VWF: variants seen among roughly 807,000 people sequenced by gnomAD.
The protein encoded by VWF is von Willebrand factor, also known as Factor VIII related antigen.
A neutral mutation model predicts 308.6 loss-of-function variants in VWF; 176 were observed. The ratio of observed to expected loss-of-function variants is 0.57; its 90% CI spans 0.50 to 0.65. The LOEUF (loss-of-function observed/expected upper bound fraction) is 0.65, where lower values mean the gene tolerates loss of function less well. Among genes scored for constraint, VWF ranks in the 30% least tolerant of loss-of-function variants. VWF has a pLI of 0.00. For missense variants in VWF, 3,146 were observed against 3,648.2 expected, an observed-to-expected ratio of 0.86 and a Z score of 3.55; for synonymous variants, 1,385 against 1,443.4, an observed-to-expected ratio of 0.96 and a Z score of 0.92.
chr12:6,024,091 C>T lies in VWF; in HGVS notation c.3223-304G>A, dbSNP rs1944165140. 6.6e-6 allele frequency among the ~76,000 whole-genome samples: 1 copy of T among 152,248 alleles called. No individual in the cohort carries two copies. Among genetic ancestry groups the T allele is most frequent in the Non-Finnish European group, 1.5e-5 (1 of 68,050 alleles). ...CCCTCTGCCTACCTCCCTGCTCAGC[C>T]ACCCATCTGTCCTCACAACCCACTC... On this transcript the variant is annotated intron_variant, in intron 24 of 51. Coordinates refer to ENST00000261405, the MANE Select transcript of VWF (RefSeq NM_000552.5). This position sits in a 1 kb window ranked among gnomAD's most constrained non-coding sequence, Gnocchi z 4.0.
intron 8 of VWF, among the ~76,000 whole-genome samples, chr12:6,073,275 G>C (rs1944800426): frequency 6.6e-6 from 1 of 152,134 alleles, no homozygotes; most frequent in Admixed American, 6.5e-5. Context: ...GACAAACCCA[G>C]GAGATCTTTT....
In VWF at chr12:6,110,383, T is replaced by A. The variant is rs1555076348; in HGVS notation, c.523A>T (p.Thr175Ser). 1 of 1,614,052 alleles carries A rather than the reference T, an allele frequency of 6.2e-7. No individual in the cohort carries two copies. The highest frequency in any genetic ancestry group is 2.2e-5 in the East Asian group (1 of 44,876). Reference sequence around the variant, plus strand: ...TCCCAGAACATCTTACCTTCTTGGGTCATAAAGTCATCTTCAGCAAAGATG... The same window carrying A: ...TCCCAGAACATCTTACCTTCTTGGGACATAAAGTCATCTTCAGCAAAGATG... Reference protein sequence around the residue: ...FNIFAEDDFMTQEGTLTSDPY... With the variant: ...FNIFAEDDFMSQEGTLTSDPY... Residue 175 changes from threonine (T) to serine (S), a missense_variant, in exon 5 of 52, where the codon ACC (threonine) becomes TCC (serine). By Grantham distance (58) the Thr-to-Ser change is moderately conservative. Coordinates refer to ENST00000261405, the MANE Select transcript of VWF (RefSeq NM_000552.5).
At chr12:6,061,473 A>G (rs1374789821) in intron 13 of VWF, among the ~76,000 whole-genome samples, 1 of 100,466 alleles carries the variant, frequency 1.0e-5, no homozygotes, top group African/African-American at 6.7e-5. Flanking sequence ...CATAAAAGGA[A>G]AAAAAAAAAA....
intron 5 of VWF, among the ~76,000 whole-genome samples, chr12:6,098,880 A>G (rs538600048): frequency 5.9e-5 from 9 of 152,268 alleles, no homozygotes; most frequent in South Asian, 2.1e-4. Context: ...AAGGGTGGCA[A>G]TCTTGCCAAC....
At chr12:5,994,262 T>C in intron 36 of VWF, 59 bp from the exon 37 acceptor site, 1 of 1,605,144 alleles carries the variant, frequency 6.2e-7, no homozygotes, top group South Asian at 1.1e-5. Context: ...ACAAAAACAT[T>C]GATGCCAGAG....
At chr12:6,032,183 T>C (rs370617527) in intron 20 of VWF, among the ~76,000 whole-genome samples, 2 of 152,142 alleles carry the variant, frequency 1.3e-5, no homozygotes, top group Non-Finnish European at 2.9e-5. Context: ...ATGGTGGCTA[T>C]TATTGTGATG....
chr12:6,069,749 T>C (rs754720598), intron 10 of VWF, among the ~76,000 whole-genome samples: 65 of 152,356 alleles, frequency 4.3e-4, no homozygotes, highest in Admixed American at 6.5e-4. Flanking sequence ...GAATTGACAC[T>C]GTTTATCTTT....
At chr12:6,121,423 T>C in intron 2 of VWF, 85 bp from the exon 3 acceptor site, 1 of 1,515,432 alleles carries the variant, frequency 6.6e-7, no homozygotes, top group South Asian at 1.2e-5. Context: ...CTCGTAGAAA[T>C]TAGACTGCCT....
intron 18 of VWF, among the ~76,000 whole-genome samples, chr12:6,042,166 G>A (rs934780789): frequency 1.3e-5 from 2 of 152,156 alleles, no homozygotes; most frequent in Non-Finnish European, 2.9e-5. Flanking sequence ...CTGGCCTGAC[G>A]GGTCTGCCCT....
At chr12:5,964,050 A>G (rs969540274) in intron 47 of VWF, among the ~76,000 whole-genome samples, 1 of 151,964 alleles carries the variant, frequency 6.6e-6, no homozygotes, top group Non-Finnish European at 1.5e-5. Context: ...TACTAAAAAT[A>G]CAAAAAAAAG....
chr12:5,976,279 G>T lies in VWF; in HGVS notation c.7288-19C>A. ...CACACACCTGTAGACATAAGTTTTC[G>T]TGAGTGAACTCATTTGTTTCATTGA... On this transcript the variant is annotated intron_variant, in intron 42 of 51. Coordinates refer to ENST00000261405, the MANE Select transcript of VWF (RefSeq NM_000552.5). 6.2e-7 allele frequency: 1 copy of T among 1,613,982 alleles called. No homozygotes were observed. The highest frequency in any genetic ancestry group is 1.3e-5 in the African/African-American group (1 of 75,026).
chr12:6,059,739 G>A (rs1944633106), intron 13 of VWF, among the ~76,000 whole-genome samples: 1 of 152,190 alleles, frequency 6.6e-6, no homozygotes, highest in Admixed American at 6.5e-5. Context: ...TAAATTTGGG[G>A]AGGACACAGA....
At chr12:6,005,289 G>A (rs1943913297) in intron 34 of VWF, among the ~76,000 whole-genome samples, 1 of 152,088 alleles carries the variant, frequency 6.6e-6, no homozygotes, top group South Asian at 2.1e-4. Flanking sequence ...CAGAAAAAAA[G>A]TTCAGAAATA....
intron 42 of VWF, among the ~76,000 whole-genome samples, chr12:5,979,741 A>T (rs1329173356): frequency 7.1e-6 from 1 of 141,438 alleles, no homozygotes; most frequent in East Asian, 2.1e-4. Context: ...AGAGCGACTC[A>T]AAAAAAAAAG....
chr12:5,955,270 GGTTA>G (rs1943234549), intron 47 of VWF, among the ~76,000 whole-genome samples: 1 of 151,724 alleles, frequency 6.6e-6, no homozygotes, highest in Non-Finnish European at 1.5e-5. Context: ...ACAATGTGCA[GGTTA>G]GTTACGTATG....
chr12:6,118,188 C>T (rs1945390049), intron 3 of VWF, among the ~76,000 whole-genome samples: 1 of 152,048 alleles, frequency 6.6e-6, no homozygotes, highest in Non-Finnish European at 1.5e-5. Context: ...GCTGACTTGG[C>T]TCTCTGAGCC....
intron 38 of VWF, among the ~76,000 whole-genome samples, chr12:5,986,855 C>T (rs1360140897): frequency 6.6e-6 from 1 of 152,130 alleles, no homozygotes; most frequent in African/African-American, 2.4e-5. Context: ...ACAGGCACAG[C>T]GACAGAGTGA....
intron 38 of VWF, among the ~76,000 whole-genome samples, chr12:5,990,868 T>TAAAAAAAAAAAAAAA (rs755717764): frequency 6.4e-5 from 2 of 31,456 alleles, no homozygotes; most frequent in Non-Finnish European, 5.3e-5. Flanking sequence ...CCCATAGAGC[T>TAAAAAAAAAAAAAAA]AAAAAAAAAA....
Position 6,034,727 on chromosome 12 carries a change from T to C in VWF, c.2646A>G (p.Lys882=). The C allele has an allele frequency of 6.2e-7, 1 of 1,614,146 alleles. No homozygotes were observed. Among genetic ancestry groups the C allele is most frequent in the Non-Finnish European group, 8.5e-7 (1 of 1,180,026 alleles). ...ACTGGCACTCCCCGGGGAACAGGTA[T>C]TTGAGCCCGTCGAAGGTGAGGTAGT... The part of the protein sequence containing the change: ...MAHYLTFDGL[K]YLFPGECQYV... The change falls in exon 20 of 52, where the codon AAA becomes AAG. Residue 882 remains lysine (K), a synonymous_variant. Coordinates refer to ENST00000261405, the MANE Select transcript of VWF (RefSeq NM_000552.5).
Sources: gnomAD v4.1 joint callset for allele counts (sites outside exome capture counted in the v4.1 genomes callset) on GRCh38, gnomAD v4.1.1 for gene constraint, Gnocchi (gnomAD v3.1) non-coding constraint, MANE v1.5 for transcripts, NCBI Gene and HGNC (gene_info 2026-07-23, HGNC 2026-07-21) for gene names.